FGF7: variants seen among roughly 807,000 people sequenced by gnomAD.
FGF7 encodes FGF-7.
Under a neutral mutation model 20.5 loss-of-function variants are expected in FGF7, and 6 were observed. The ratio of observed to expected loss-of-function variants is 0.29; its 90% CI spans 0.16 to 0.58. The LOEUF is 0.58. Ranked by LOEUF, FGF7 falls within the 20% of genes least tolerant of loss-of-function variation. The pLI is 0.90. For missense variants in FGF7, 144 were observed against 228.8 expected, an observed-to-expected ratio of 0.63 and a Z score of 2.39; for synonymous variants, 64 against 74.7, an observed-to-expected ratio of 0.86 and a Z score of 0.74.
intron 2 of FGF7, among the ~76,000 whole-genome samples, chr15:49,437,241 C>G (rs1234948641): frequency 1.3e-5 from 2 of 151,146 alleles, no homozygotes; most frequent in East Asian, 3.9e-4. Flanking sequence ...TTTAGGAATG[C>G]CTAAAGATAA....
At chr15:49,475,122 A>G (rs942949215) in intron 2 of FGF7, among the ~76,000 whole-genome samples, 4 of 152,160 alleles carry the variant, frequency 2.6e-5, no homozygotes, top group Admixed American at 6.5e-5. Context: ...CAGTTTGATT[A>G]ATTTTTTCAC....
intron 2 of FGF7, among the ~76,000 whole-genome samples, chr15:49,426,302 T>G (rs1275741184): frequency 1.3e-5 from 2 of 151,896 alleles, no homozygotes; most frequent in Non-Finnish European, 2.9e-5. Flanking sequence ...AAATACCCAT[T>G]GTATAATTAT....
chr15:49,477,830 A>G (rs1413461989), intron 2 of FGF7, among the ~76,000 whole-genome samples: 1 of 152,230 alleles, frequency 6.6e-6, no homozygotes, highest in Non-Finnish European at 1.5e-5. Flanking sequence ...CATCCTTGCC[A>G]GCATACAGCA....
intron 2 of FGF7, among the ~76,000 whole-genome samples, chr15:49,479,409 C>T (rs1439241564): frequency 1.3e-5 from 2 of 152,064 alleles, no homozygotes; most frequent in Non-Finnish European, 2.9e-5. Context: ...TGGAAATCCA[C>T]AAAGAAAGAC....
At chr15:49,457,876 T>A (rs1311480405) in intron 2 of FGF7, among the ~76,000 whole-genome samples, 1 of 150,872 alleles carries the variant, frequency 6.6e-6, no homozygotes, top group East Asian at 2.1e-4. Context: ...ATTAAATGAA[T>A]CTAATCATTT....
In FGF7 at chr15:49,484,505, T is replaced by C. The variant is rs2056239145; in HGVS notation, c.*1T>C. On this transcript the variant is annotated 3_prime_UTR_variant, in exon 4 of 4. Transcript: ENST00000267843. ...CTTTCTTCCTATGGCAATAACTTAA[T>C]TGCATATGGTATATAAAGAACCAGT... is the stretch of plus-strand genomic sequence containing the variant. 1.4e-6 allele frequency: 2 copies of C among 1,468,628 alleles called. No individual in the cohort carries two copies. Among genetic ancestry groups the C allele is most frequent in the East Asian group, 4.7e-5 (2 of 42,874 alleles). The allele number at this position is 1,468,628 out of a possible 1,614,324, so 91.0% of individuals were successfully genotyped here.
At chr15:49,462,821 T>C (rs1488958627) in intron 2 of FGF7, among the ~76,000 whole-genome samples, 2 of 152,220 alleles carry the variant, frequency 1.3e-5, no homozygotes, top group Non-Finnish European at 2.9e-5. Context: ...AAAGGATGAC[T>C]GTATTCTGAA....
chr15:49,437,615 G>T (rs1357832243), intron 2 of FGF7, among the ~76,000 whole-genome samples: 1 of 151,530 alleles, frequency 6.6e-6, no homozygotes, highest in Non-Finnish European at 1.5e-5. Flanking sequence ...ATTAACTTTA[G>T]GTTCTTTCAG....
chr15:49,478,588 G>A (rs1489473043), intron 2 of FGF7, among the ~76,000 whole-genome samples: 8 of 151,974 alleles, frequency 5.3e-5, no homozygotes, highest in Non-Finnish European at 1.2e-4. Context: ...GTTTTAACAT[G>A]CCAAAGAGGG....
intron 2 of FGF7, among the ~76,000 whole-genome samples, chr15:49,455,263 G>A (rs2038803212): frequency 6.6e-6 from 1 of 152,100 alleles, no homozygotes. Flanking sequence ...TTAACAAAGC[G>A]GCCATGGTAT....
intron 2 of FGF7, among the ~76,000 whole-genome samples, chr15:49,469,729 T>C (rs1414869529): frequency 6.6e-6 from 1 of 152,168 alleles, no homozygotes; most frequent in African/African-American, 2.4e-5. Context: ...ATAATCTTCA[T>C]TATCAAGACA....
chr15:49,478,032 C>T (rs1458773341), intron 2 of FGF7, among the ~76,000 whole-genome samples: 1 of 152,168 alleles, frequency 6.6e-6, no homozygotes, highest in African/African-American at 2.4e-5. Context: ...CACCCAGGTA[C>T]TGAGCGTAGT....
intron 2 of FGF7, among the ~76,000 whole-genome samples, chr15:49,474,153 T>G (rs1352643297): frequency 6.6e-6 from 1 of 152,210 alleles, no homozygotes; most frequent in African/African-American, 2.4e-5. Flanking sequence ...ATTTATGGTC[T>G]ATATCAAGGA....
chr15:49,456,652 A>G (rs2053322012), intron 2 of FGF7, among the ~76,000 whole-genome samples: 1 of 152,124 alleles, frequency 6.6e-6, no homozygotes, highest in Non-Finnish European at 1.5e-5. Context: ...AAAATAAGGC[A>G]GGATAAGTGT....
rs571719079 is a variant in FGF7 at position 49,483,998 on chromosome 15, T to A, written c.391-312T>A. On this transcript the variant is annotated intron_variant, in intron 3 of 3. Transcript: ENST00000267843. ...GAATGAGTGATGTGGGAATAAGTAA[T>A]ATGAGGCCTGTTACTTAGGGGGAAA... 8.7e-4 allele frequency among the ~76,000 whole-genome samples: 133 copies of A among 152,168 alleles called. 5 individuals are homozygous for A. In the South Asian group the frequency reaches 0.027, roughly 30 times the overall value.
At chr15:49,426,950 C>T (rs1597115656) in intron 2 of FGF7, among the ~76,000 whole-genome samples, 1 of 152,012 alleles carries the variant, frequency 6.6e-6, no homozygotes, top group East Asian at 1.9e-4. Context: ...ATGTGGCTAT[C>T]TTATTGGAGA....
intron 2 of FGF7, among the ~76,000 whole-genome samples, chr15:49,435,933 T>C (rs942077423): frequency 6.6e-6 from 1 of 151,554 alleles, no homozygotes; most frequent in Non-Finnish European, 1.5e-5. Flanking sequence ...ATATAATTAA[T>C]GTTAATTCTT....
intron 2 of FGF7, among the ~76,000 whole-genome samples, chr15:49,447,303 A>G (rs2052313612): frequency 6.6e-6 from 1 of 151,578 alleles, no homozygotes; most frequent in African/African-American, 2.4e-5. Context: ...CTGGCAAAAT[A>G]CTCTCTTATC....
chr15:49,474,869 C>T (rs111769824), intron 2 of FGF7, among the ~76,000 whole-genome samples: 3,997 of 152,226 alleles, frequency 0.026, 189 homozygotes, highest in African/African-American at 0.092. Flanking sequence ...GGAACAGTTT[C>T]ATCCTGAACC....
Sources: gnomAD v4.1 joint callset for allele counts (sites outside exome capture counted in the v4.1 genomes callset) on GRCh38, gnomAD v4.1.1 for gene constraint, MANE v1.5 for transcripts, NCBI Gene and HGNC (gene_info 2026-07-23, HGNC 2026-07-21) for gene names.